The following OR2T35 variants were observed in gnomAD, a reference collection of about 807,000 sequenced individuals.
The protein encoded by OR2T35 is olfactory receptor family 2 subfamily T member 35 (gene/pseudogene).
For missense variants in OR2T35, 47 were observed against 278.8 expected, an observed-to-expected ratio of 0.17 and a Z score of 5.92; for synonymous variants, 18 against 110.2, an observed-to-expected ratio of 0.16 and a Z score of 5.24.
At position 248,644,995 on chromosome 1, in the gene OR2T35, T is replaced by G. The variant is rs1460636305; in HGVS notation, c.-23+252A>C. 1.9e-3 allele frequency among the ~76,000 whole-genome samples: 37 copies of G among 19,276 alleles called. No homozygotes were observed. In the Middle Eastern group the frequency reaches 0.094, roughly 49 times the overall value. The allele number at this position is 19,276 out of a possible 152,430, so 12.6% of individuals were successfully genotyped here. A position where few individuals can be genotyped will look rare whatever the true frequency, so the allele number is the denominator to read the frequency against. ...GCCTTAGTTACCACCCCCCTTTATC[T>G]GCCTATTTAAATGGTAACTGTTTTC... On this transcript the variant is annotated intron_variant, in intron 1 of 1. Transcript: ENST00000641268.
intron 1 of OR2T35, among the ~76,000 whole-genome samples, chr1:248,642,078 T>C (rs1229437424): frequency 2.4e-5 from 2 of 82,260 alleles, no homozygotes; most frequent in African/African-American, 5.9e-5. Flanking sequence ...GTTGATGCTA[T>C]TTAGCATTAC....
chr1:248,638,700 A>C lies in OR2T35; in HGVS notation c.559T>G (p.Leu187Val). The change falls in exon 2 of 2, where the codon TTG becomes GTG. Residue 187 changes from leucine (L) to valine (V), a missense_variant. By Grantham distance (32) the Leu-to-Val change is conservative (BLOSUM62 1). Coordinates refer to ENST00000641268, the MANE Select transcript of OR2T35 (RefSeq NM_001001827.2). Reference protein sequence around the residue: ...FFCEIPAVLKLSCTDTSLYET... With the variant: ...FFCEIPAVLKVSCTDTSLYET... ...TAGAGTGACGTGTCTGTGCAAGACA[A>C]CTTCAGCACGGCTGGGATCTCACAG... 8 of 1,344,016 alleles carry C rather than the reference A, an allele frequency of 6.0e-6. No individual in the cohort carries two copies. The highest frequency in any genetic ancestry group is 8.3e-6 in the Non-Finnish European group (8 of 963,296). The allele number at this position is 1,344,016 out of a possible 1,614,324, so 83.3% of individuals were successfully genotyped here.
At position 248,638,541 on chromosome 1, in the gene OR2T35, T is replaced by TA. The variant is rs756413663; in HGVS notation, c.717dup (p.Thr240TyrfsTer33). On this transcript the variant is annotated frameshift_variant, in exon 2 of 2. Coordinates refer to ENST00000641268, the MANE Select transcript of OR2T35 (RefSeq NM_001001827.2). LOFTEE classifies it low-confidence loss of function (END_TRUNC). Reference sequence around the variant, plus strand: ...ACCACCATAATGTGGGAGGAACACGTAGCAAAGGCTTTGCGCCGGCCCTCA... The same window carrying TA: ...ACCACCATAATGTGGGAGGAACACGTAAGCAAAGGCTTTGCGCCGGCCCTCA... The TA allele has an allele frequency of 1.3e-5, 19 of 1,503,802 alleles. 1 individual carries two copies. The South Asian group carries it at 2.0e-4, about 16-fold the overall frequency. The allele number at this position is 1,503,802 out of a possible 1,614,324, so 93.2% of individuals were successfully genotyped here. A position where few individuals can be genotyped will look rare whatever the true frequency, so the allele number is the denominator to read the frequency against.
At chr1:248,644,888 C>G (rs1660838394) in intron 1 of OR2T35, among the ~76,000 whole-genome samples, 1 of 134,952 alleles carries the variant, frequency 7.4e-6, no homozygotes, top group Non-Finnish European at 1.6e-5. Context: ...AGATTTTATC[C>G]CCTTCTCTCC....
At chr1:248,642,216 C>CAAAAAAAAAAAAAAAAAAAAAA (rs61189391) in intron 1 of OR2T35, among the ~76,000 whole-genome samples, 4 of 53,650 alleles carry the variant, frequency 7.5e-5, no homozygotes, top group Non-Finnish European at 1.8e-4. Context: ...CTAGTCTTTC[C>CAAAAAAAAAAAAAAAAAAAAAA]AAAAAAAAAA....
chr1:248,638,549 GC>G lies in OR2T35; in HGVS notation c.709del (p.Ala237ProfsTer12), dbSNP rs1320176564. 6.5e-7 allele frequency: 1 copy of G among 1,547,436 alleles called. No individual in the cohort carries two copies. Among genetic ancestry groups the G allele is most frequent in the Non-Finnish European group, 8.8e-7 (1 of 1,135,740 alleles). On this transcript the variant is annotated frameshift_variant, in exon 2 of 2. Coordinates refer to ENST00000641268, the MANE Select transcript of OR2T35 (RefSeq NM_001001827.2). LOFTEE classifies it low-confidence loss of function (END_TRUNC). ...RMNSAEGRRK[A>X]FATCSSHIMV... ...AATGTGGGAGGAACACGTAGCAAAG[GC>G]TTTGCGCCGGCCCTCAGCAGAGTTC... is the stretch of plus-strand genomic sequence containing the variant.
intron 1 of OR2T35, among the ~76,000 whole-genome samples, chr1:248,642,114 A>T (rs1660791181): frequency 1.1e-5 from 1 of 91,370 alleles, no homozygotes. Context: ...TTATTCACAC[A>T]TACAAGATCC....
intron 1 of OR2T35, among the ~76,000 whole-genome samples, chr1:248,642,216 CAAAAA>C (rs61189391): frequency 1.7e-4 from 9 of 53,656 alleles, no homozygotes; most frequent in South Asian, 6.2e-4. Context: ...CTAGTCTTTC[CAAAAA>C]AAAAAAAAAA....
At chr1:248,640,188 A>ATCC (rs1347800551) in intron 1 of OR2T35, among the ~76,000 whole-genome samples, 1 of 11,272 alleles carries the variant, frequency 8.9e-5, no homozygotes. Flanking sequence ...ATATTATATC[A>ATCC]TCCTAGTAAT....
chr1:248,642,226 A>AG, intron 1 of OR2T35, among the ~76,000 whole-genome samples: 1 of 62,022 alleles, frequency 1.6e-5, no homozygotes, highest in African/African-American at 3.3e-5. Context: ...CAAAAAAAAA[A>AG]AAAAAAAAAG....
Position 248,638,764 on chromosome 1 carries a change from AC to A in OR2T35, c.494del (p.Ser165IlefsTer21). 8.4e-7 allele frequency: 1 copy of A among 1,193,528 alleles called. No individual in the cohort carries two copies. The highest frequency in any genetic ancestry group is 1.2e-5 in the South Asian group (1 of 81,580). 73.9% of individuals were successfully genotyped at this position (1,193,528 alleles called of 1,614,324 possible). On this transcript the variant is annotated frameshift_variant, in exon 2 of 2. Transcript: ENST00000641268. LOFTEE classifies it low-confidence loss of function (END_TRUNC). ...DGFMLTPVTM[S>X]FPFCRSREIN... The stretch of plus-strand genomic sequence containing the variant: ...TCTCTCGGGATCTACAGAAGGGGAA[AC>A]TCATAGTGACAGGAGTCAGCATGAA...
At position 248,638,105 on chromosome 1, in the gene OR2T35, T is replaced by G. The variant is rs555456258; in HGVS notation, c.*182A>C. 5.9e-3 allele frequency: 2,145 copies of G among 362,762 alleles called. 18 individuals are homozygous for G. Among genetic ancestry groups the G allele is most frequent in the African/African-American group, 0.041 (1,879 of 46,260 alleles). The allele number at this position is 362,762 out of a possible 1,614,324, so 22.5% of individuals were successfully genotyped here. A position where few individuals can be genotyped will look rare whatever the true frequency, so the allele number is the denominator to read the frequency against. ...AATTTTGAATTGCTGAAAGTGACACTGAACATTCTTCAGAACCAATACCAT... is the reference window on the plus strand; with the variant it reads ...AATTTTGAATTGCTGAAAGTGACACGGAACATTCTTCAGAACCAATACCAT... On this transcript the variant is annotated 3_prime_UTR_variant, in exon 2 of 2. Transcript: ENST00000641268.
intron 1 of OR2T35, among the ~76,000 whole-genome samples, chr1:248,644,525 G>GGA (rs1464265377): frequency 7.3e-6 from 1 of 137,734 alleles, no homozygotes; most frequent in Non-Finnish European, 1.6e-5. Context: ...AAGAGAGAGG[G>GGA]GAGAGTCCAG....
Position 248,638,257 on chromosome 1 carries a change from G to C in OR2T35, c.*30C>G, listed in dbSNP as rs199799374. On this transcript the variant is annotated 3_prime_UTR_variant, in exon 2 of 2. Transcript: ENST00000641268. Reference sequence around the variant, plus strand: ...TCCCCGCTAATCCTTCCCGATCACAGTCACCACTCTGATACTCTGGGAGTC... The same window carrying C: ...TCCCCGCTAATCCTTCCCGATCACACTCACCACTCTGATACTCTGGGAGTC... 4.5e-4 allele frequency: 470 copies of C among 1,051,278 alleles called. 7 individuals are homozygous for C. The South Asian group carries it at 5.9e-3, about 13-fold the overall frequency. 65.1% of individuals were successfully genotyped at this position (1,051,278 alleles called of 1,614,324 possible).
Position 248,636,881 on chromosome 1 carries a change from C to CGGG in OR2T35, c.*1405_*1406insCCC, listed in dbSNP as rs1469753238. On this transcript the variant is annotated 3_prime_UTR_variant, in exon 2 of 2. Transcript: ENST00000641268. ...GCCTCGTATCAACAAAGAAAATAAA[C>CGGG]ACCAGGTCCGTCAATATTTTTTATG... The CGGG allele has an allele frequency of 8.0e-5, 1 of 12,574 alleles. No individual in the cohort carries two copies. Among genetic ancestry groups the CGGG allele is most frequent in the African/African-American group, 9.3e-5 (1 of 10,786 alleles). 0.8% of individuals were successfully genotyped at this position (12,574 alleles called of 1,614,324 possible).
intron 1 of OR2T35, among the ~76,000 whole-genome samples, chr1:248,641,697 T>TAAAAA (rs3033658): frequency 9.3e-4 from 55 of 58,846 alleles, no homozygotes; most frequent in African/African-American, 1.9e-3. Flanking sequence ...GAGACCGTGT[T>TAAAAA]AAAAAAAAAA....
chr1:248,638,310 C>CA lies in OR2T35; in HGVS notation c.948_949insT (p.Ala317CysfsTer18). 1 of 384,342 alleles carries CA rather than the reference C, an allele frequency of 2.6e-6. No homozygotes were observed. The highest frequency in any genetic ancestry group is 4.4e-5 in the East Asian group (1 of 22,964). 23.8% of individuals were successfully genotyped at this position (384,342 alleles called of 1,614,324 possible). On this transcript the variant is annotated frameshift_variant, in exon 2 of 2. Coordinates refer to ENST00000641268, the MANE Select transcript of OR2T35 (RefSeq NM_001001827.2). LOFTEE classifies it high-confidence loss of function. ...TGCTAGCCCTTCCTGATCACAGTCG[C>CA]CACCCTGATGCTCTGGGAGGAACCA...
Position 248,636,449 on chromosome 1 carries a change from AGAGGGAAGATC to A in OR2T35, c.*1827_*1837del, listed in dbSNP as rs1660707369. 1 of 52,380 alleles carries A rather than the reference AGAGGGAAGATC, an allele frequency of 1.9e-5. No homozygotes were observed. The highest frequency in any genetic ancestry group is 5.0e-5 in the Non-Finnish European group (1 of 20,046). 3.2% of individuals were successfully genotyped at this position (52,380 alleles called of 1,614,324 possible). A position where few individuals can be genotyped will look rare whatever the true frequency, so the allele number is the denominator to read the frequency against. ...GCAATGTGAACTGAAGGAGTTTTGT[AGAGGGAAGATC>A]GAGAAGGTGCTAGCTAAGGCAGGAG... On this transcript the variant is annotated 3_prime_UTR_variant, in exon 2 of 2. Coordinates refer to ENST00000641268, the MANE Select transcript of OR2T35 (RefSeq NM_001001827.2).
rs370938527 is a variant in OR2T35, at chr1:248,641,734, C to T, written c.-22-2454G>A. 3.2e-4 allele frequency among the ~76,000 whole-genome samples: 25 copies of T among 78,532 alleles called. 8 individuals are homozygous for T. Among genetic ancestry groups the T allele is most frequent in the East Asian group, 1.5e-3 (4 of 2,756 alleles). 51.5% of individuals were successfully genotyped at this position (78,532 alleles called of 152,430 possible). ...AAAAAAGGTTCCTTGTGAGTGTGAG[C>T]GTTGTGCGTACATGTGTGTGTAGTG... On this transcript the variant is annotated intron_variant, in intron 1 of 1. Coordinates refer to ENST00000641268, the MANE Select transcript of OR2T35 (RefSeq NM_001001827.2).
Sources: allele counts gnomAD v4.1 joint callset (sites outside exome capture counted in the v4.1 genomes callset), GRCh38; gene constraint gnomAD v4.1.1; transcripts MANE v1.5; gene names NCBI Gene and HGNC (gene_info 2026-07-23, HGNC 2026-07-21).